RERE: variants seen among roughly 807,000 people sequenced by gnomAD.
RERE encodes arginine-glutamic acid dipeptide repeats.
Under a neutral mutation model 146.1 loss-of-function variants are expected in RERE, and 40 were observed. That is an observed-to-expected ratio of 0.27 (90% CI 0.21 to 0.36). RERE has a LOEUF of 0.36. Among genes scored for constraint, RERE ranks in the 10% least tolerant of loss-of-function variants. RERE has a pLI of 1.00. For missense variants in RERE, 1,933 were observed against 2,138.7 expected (o/e 0.90, Z 1.90); for synonymous variants, 1,003 against 866.0 (o/e 1.16, Z -2.78).
chr1:8,466,525 C>A (rs995694748), intron 10 of RERE, among the ~76,000 whole-genome samples: 2 of 152,136 alleles, frequency 1.3e-5, no homozygotes, highest in Admixed American at 6.5e-5. Flanking sequence ...CAGGAGGACC[C>A]CTACTCTTGC....
Position 8,354,700 on chromosome 1 carries a change from G to C in RERE, c.*387C>G, listed in dbSNP as rs982335717. 1 of 186,542 alleles carries C rather than the reference G, an allele frequency of 5.4e-6. No homozygotes were observed. Among genetic ancestry groups the C allele is most frequent in the African/African-American group, 2.3e-5 (1 of 42,906 alleles). The allele number at this position is 186,542 out of a possible 1,614,324, so 11.6% of individuals were successfully genotyped here. On this transcript the variant is annotated 3_prime_UTR_variant, in exon 23 of 23. Coordinates refer to ENST00000400908, the MANE Select transcript of RERE (RefSeq NM_001042681.2). ...CGATCTGCAAGCCTCGTGGGCTCTG[G>C]AGCACTCGTGGCGGAGTGTGTCAGT...
chr1:8,751,747 C>A (rs1640540442), intron 1 of RERE, among the ~76,000 whole-genome samples: 1 of 149,552 alleles, frequency 6.7e-6, no homozygotes, highest in Non-Finnish European at 1.5e-5. Context: ...ATAATTATAC[C>A]AAACCTTTAG....
intron 7 of RERE, among the ~76,000 whole-genome samples, chr1:8,536,125 G>T (rs1463536900): frequency 7.1e-6 from 1 of 140,750 alleles, no homozygotes; most frequent in African/African-American, 2.6e-5. Flanking sequence ...AAAAAAATCA[G>T]ATATTTTTCA....
At chr1:8,599,057 C>T (rs1646589141) in intron 4 of RERE, among the ~76,000 whole-genome samples, 1 of 152,248 alleles carries the variant, frequency 6.6e-6, no homozygotes, top group African/African-American at 2.4e-5. Flanking sequence ...TCCTGCAGAA[C>T]TTCTCCCAGC....
chr1:8,584,985 C>CAA (rs1646409755), intron 4 of RERE, among the ~76,000 whole-genome samples: 1 of 151,858 alleles, frequency 6.6e-6, no homozygotes, highest in Admixed American at 6.6e-5. Flanking sequence ...CGTCTCTACT[C>CAA]AAAGTACAAA....
At chr1:8,779,564 G>A (rs988418962) in intron 1 of RERE, among the ~76,000 whole-genome samples, 3 of 152,010 alleles carry the variant, frequency 2.0e-5, no homozygotes, top group African/African-American at 4.8e-5. Flanking sequence ...TCGGGAGGCT[G>A]AGACAGGAGA....
At chr1:8,381,211 C>T (rs1642442369) in intron 12 of RERE, 2 of 353,348 alleles carry the variant, frequency 5.7e-6, no homozygotes, top group East Asian at 7.5e-5. Flanking sequence ...CTGAGTCCTG[C>T]AGGATATCAA....
intron 4 of RERE, among the ~76,000 whole-genome samples, chr1:8,578,958 T>C (rs1646329916): frequency 6.6e-6 from 1 of 152,234 alleles, no homozygotes; most frequent in Non-Finnish European, 1.5e-5. Context: ...TTTAGGCACA[T>C]GCCCCACAGA....
chr1:8,741,849 T>C (rs1640316824), intron 1 of RERE, among the ~76,000 whole-genome samples: 1 of 152,216 alleles, frequency 6.6e-6, no homozygotes, highest in Non-Finnish European at 1.5e-5. Context: ...ATCTGATATG[T>C]TGATCAGTGT....
At chr1:8,684,331 G>A (rs1428731098) in intron 1 of RERE, among the ~76,000 whole-genome samples, 1 of 151,936 alleles carries the variant, frequency 6.6e-6, no homozygotes, top group Admixed American at 6.6e-5. Flanking sequence ...TTTAATTACA[G>A]GAAATTTTGT....
intron 12 of RERE, among the ~76,000 whole-genome samples, chr1:8,389,269 G>A (rs1373304332): frequency 1.3e-5 from 2 of 152,192 alleles, no homozygotes; most frequent in African/African-American, 4.8e-5. Flanking sequence ...TGAAGAATAT[G>A]TCTGTGAACT....
At chr1:8,419,323 T>C (rs533078804) in intron 12 of RERE, among the ~76,000 whole-genome samples, 1 of 152,288 alleles carries the variant, frequency 6.6e-6, no homozygotes, top group Non-Finnish European at 1.5e-5. Context: ...GCAGCAGTGT[T>C]CAGAGAAAAG....
At chr1:8,546,853 C>CAAAAA (rs112798481) in intron 6 of RERE, among the ~76,000 whole-genome samples, 1 of 89,984 alleles carries the variant, frequency 1.1e-5, no homozygotes. Flanking sequence ...CAAAACAAAA[C>CAAAAA]AAAAAAAAAA....
intron 4 of RERE, among the ~76,000 whole-genome samples, chr1:8,567,084 C>A (rs375412691): frequency 2.6e-5 from 4 of 152,050 alleles, no homozygotes; most frequent in African/African-American, 2.4e-5. Flanking sequence ...GCACCGCACC[C>A]GGCCAGAACT....
intron 1 of RERE, among the ~76,000 whole-genome samples, chr1:8,809,939 C>T (rs142599784): frequency 6.6e-6 from 1 of 152,114 alleles, no homozygotes; most frequent in African/African-American, 2.4e-5. Context: ...TAAAAGTGGC[C>T]AAACCAAAAA....
chr1:8,358,939 G>C (rs777037685), intron 19 of RERE, 23 bp from the exon 20 acceptor site: 35 of 1,507,702 alleles, frequency 2.3e-5, no homozygotes, highest in Middle Eastern at 2.2e-4. Context: ...AAGAAAGCGT[G>C]AGGGGTCCCC....
At chr1:8,793,174 A>AAG (rs1553150074) in intron 1 of RERE, among the ~76,000 whole-genome samples, 82 of 127,090 alleles carry the variant, frequency 6.5e-4, no homozygotes, top group African/African-American at 2.3e-3. Flanking sequence ...AAAAAAAAAA[A>AAG]AAAGAAAGAA....
chr1:8,631,489 T>C (rs1647034785), intron 2 of RERE, among the ~76,000 whole-genome samples: 2 of 152,226 alleles, frequency 1.3e-5, no homozygotes, highest in Non-Finnish European at 2.9e-5. Context: ...AAATCAATCA[T>C]ATGCTATACA....
intron 1 of RERE, among the ~76,000 whole-genome samples, chr1:8,750,150 CAAAA>C (rs3045405): frequency 1.0e-5 from 1 of 96,550 alleles, no homozygotes; most frequent in Admixed American, 1.3e-4. Context: ...GCCTCTGTCT[CAAAA>C]AAAAAAAAAA....
Sources: gnomAD v4.1 joint callset for allele counts (sites outside exome capture counted in the v4.1 genomes callset) on GRCh38, gnomAD v4.1.1 for gene constraint, MANE v1.5 for transcripts, NCBI Gene and HGNC (gene_info 2026-07-23, HGNC 2026-07-21) for gene names.